The following HUWE1 variants were observed in gnomAD, a reference collection of about 807,000 sequenced individuals.
HUWE1 encodes HECT, UBA and WWE domain containing E3 ubiquitin protein ligase 1.
Under a neutral mutation model 299.4 loss-of-function variants are expected in HUWE1, and 18 were observed. The observed-to-expected ratio is 0.06, with a 90% CI of 0.04 to 0.09. The LOEUF (loss-of-function observed/expected upper bound fraction) is 0.09. Among genes scored for constraint, HUWE1 ranks in the 10% least tolerant of loss-of-function variants. The pLI is 1.00. For missense variants in HUWE1, 1,832 were observed against 3,462.3 expected (o/e 0.53, Z 11.82); for synonymous variants, 1,317 against 1,286.1 (o/e 1.02, Z -0.51).
At chrX:53,615,922 A>C in intron 21 of HUWE1, 87 bp from the exon 22 acceptor site, 1 of 658,959 alleles carries the variant, frequency 1.5e-6, no homozygotes, top group Middle Eastern at 3.1e-4. Context: ...ATAAAGTGGA[A>C]AGAAGAAACT....
intron 74 of HUWE1, among the ~76,000 whole-genome samples, chrX:53,541,005 ATATC>A (rs1169133806): frequency 2.7e-5 from 3 of 111,919 alleles, no homozygotes; most frequent in African/African-American, 9.7e-5. Flanking sequence ...CACGAAAATA[ATATC>A]TATCTCCCCA....
chrX:53,540,416 C>T (rs1319017562), intron 74 of HUWE1, among the ~76,000 whole-genome samples: 1 of 110,798 alleles, frequency 9.0e-6, no homozygotes, highest in African/African-American at 3.3e-5. Flanking sequence ...GCAACCTCCG[C>T]CTCCTGGGTT....
intron 60 of HUWE1, chrX:53,556,406 T>C: frequency 3.0e-6 from 1 of 335,736 alleles, no homozygotes; most frequent in Non-Finnish European, 5.9e-6. Flanking sequence ...GATCTTTTGC[T>C]AGATTAAGGG....
chrX:53,659,200 T>C lies in HUWE1; in HGVS notation c.-24-5069A>G, dbSNP rs151032338. On this transcript the variant is annotated intron_variant, in intron 3 of 83. Transcript: ENST00000262854. The stretch of plus-strand genomic sequence containing the variant: ...CCAGCAATCAATACTCCCTGGTATT[T>C]ACCCAAAGGAGTTGAAAACTTATGT... 9.1e-3 allele frequency among the ~76,000 whole-genome samples: 1,021 copies of C among 112,610 alleles called. 55 individuals carry two copies. Among genetic ancestry groups the C allele is most frequent in the Admixed American group, 0.086 (918 of 10,632 alleles).
intron 37 of HUWE1, among the ~76,000 whole-genome samples, chrX:53,587,738 C>T (rs1264079447): frequency 1.8e-5 from 2 of 111,152 alleles, no homozygotes; most frequent in Non-Finnish European, 3.8e-5. Flanking sequence ...TGGATTTATC[C>T]CCTGAGTTTG....
rs781991289 is a variant in HUWE1 at position 53,532,250 on chromosome X, G to C, written c.*1059C>G. ...GTGAACAGACTGGCAGACAGATGAC[G>C]AGAGAGGGAGTGACGACAACAAAAA... On this transcript the variant is annotated 3_prime_UTR_variant, in exon 84 of 84. Transcript: ENST00000262854. 1 of 112,069 alleles carries C rather than the reference G, an allele frequency of 8.9e-6. No individual in the cohort carries two copies. The highest frequency in any genetic ancestry group is 3.2e-5 in the African/African-American group (1 of 30,860). The allele number at this position is 112,069 out of a possible 1,213,427, so 9.2% of individuals were successfully genotyped here.
intron 43 of HUWE1, among the ~76,000 whole-genome samples, chrX:53,579,108 T>C (rs12387719): frequency 1.0e-4 from 5 of 48,479 alleles, no homozygotes; most frequent in African/African-American, 1.7e-4. Flanking sequence ...CCGCCCCGTC[T>C]GGGAGGTGAG....
In HUWE1 at chrX:53,625,278, A is replaced by G; in HGVS notation, c.1490-20T>C. The G allele has an allele frequency of 9.3e-7, 1 of 1,075,869 alleles. No homozygotes were observed. Among genetic ancestry groups the G allele is most frequent in the Non-Finnish European group, 1.3e-6 (1 of 771,189 alleles). The allele number at this position is 1,075,869 out of a possible 1,213,427, so 88.7% of individuals were successfully genotyped here. ...GGACTCCTGGCAATGAAGAAAGACA[A>G]AAGAATTATGCTGAGTTCGCCATTA... is the stretch of plus-strand genomic sequence containing the variant. On this transcript the variant is annotated intron_variant, in intron 17 of 83. Transcript: ENST00000262854.
chrX:53,641,135 A>C (rs1451583903), intron 7 of HUWE1, among the ~76,000 whole-genome samples: 1 of 111,743 alleles, frequency 8.9e-6, no homozygotes, highest in Non-Finnish European at 1.9e-5. Flanking sequence ...AAAAGTTCTA[A>C]ACACATTTTC....
chrX:53,675,478 G>T (rs2069771229), intron 3 of HUWE1, among the ~76,000 whole-genome samples: 1 of 111,459 alleles, frequency 9.0e-6, no homozygotes, highest in Admixed American at 9.5e-5. Context: ...TGCAGGGGAA[G>T]AAATGATGAC....
chrX:53,577,494 CCCT>C (rs1278401777), intron 43 of HUWE1, among the ~76,000 whole-genome samples: 61 of 67,181 alleles, frequency 9.1e-4, no homozygotes, highest in Admixed American at 1.6e-3. Context: ...TCCCTCCTCT[CCCT>C]CCTCTCCCTC....
rs781851305 is a variant in HUWE1, at chrX:53,646,047, G to T, written c.352-584C>A. Among the ~76,000 whole-genome samples the T allele has an allele frequency of 2.4e-4, 26 of 110,110 alleles. No individual in the cohort carries two copies. The South Asian group carries it at 0.01, about 43-fold the overall frequency. On this transcript the variant is annotated intron_variant, in intron 6 of 83. Coordinates refer to ENST00000262854, the MANE Select transcript of HUWE1 (RefSeq NM_031407.7). ...TAAAATTGAAATTAATTAAAACAGG[G>T]TCCTTCATATAGAAGCTAAAGATAT...
chrX:53,535,267 G>T (rs986954877), intron 81 of HUWE1, 117 bp downstream of exon 81: 20 of 558,902 alleles, frequency 3.6e-5, no homozygotes, highest in African/African-American at 3.6e-4. Context: ...TTTGTCTTTT[G>T]TGCAAGGCAT....
intron 66 of HUWE1, 61 bp downstream of exon 66, chrX:53,550,605 A>C: frequency 9.7e-7 from 1 of 1,027,814 alleles, no homozygotes. Flanking sequence ...CTATAAAACT[A>C]AGGGAGCTGG....
chrX:53,684,099 T>G, intron 2 of HUWE1: 1 of 258,663 alleles, frequency 3.9e-6, no homozygotes, highest in Non-Finnish European at 6.9e-6. Flanking sequence ...AAAGCCGAAG[T>G]AGCTACAGCT....
intron 27 of HUWE1, 35 bp downstream of exon 27, chrX:53,603,333 T>A (rs781889683): frequency 1.7e-6 from 2 of 1,194,842 alleles, no homozygotes; most frequent in Non-Finnish European, 2.3e-6. Context: ...CGAACTTAGA[T>A]AACAAAGTAA....
intron 14 of HUWE1, 22 bp from the exon 15 acceptor site, chrX:53,628,642 G>C (rs781972661): frequency 2.1e-5 from 25 of 1,188,894 alleles, no homozygotes; most frequent in Non-Finnish European, 2.8e-5. Context: ...GTGGGGAGAG[G>C]GAGAACAAAA....
Position 53,565,559 on chromosome X carries a change from G to T in HUWE1, c.6708-320C>A, listed in dbSNP as rs368705845. Among the ~76,000 whole-genome samples, 6 of 106,474 alleles carry T rather than the reference G, an allele frequency of 5.6e-5. No individual in the cohort carries two copies. The South Asian group carries it at 2.4e-3, about 43-fold the overall frequency. 92.5% of individuals were successfully genotyped at this position (106,474 alleles called of 115,157 possible). The stretch of plus-strand genomic sequence containing the variant: ...CAAGCCACTTCTCGGATGTACTCAG[G>T]ATTTTTTTTTTTAAACCACCAGCAT... On this transcript the variant is annotated intron_variant, in intron 49 of 83. Coordinates refer to ENST00000262854, the MANE Select transcript of HUWE1 (RefSeq NM_031407.7).
intron 35 of HUWE1, among the ~76,000 whole-genome samples, 162 bp downstream of exon 35, chrX:53,590,242 G>C (rs1345423946): frequency 2.7e-5 from 3 of 112,106 alleles, no homozygotes; most frequent in Non-Finnish European, 5.6e-5. Context: ...GTCAATACAA[G>C]GTAGCTCAAT....
Sources: gnomAD v4.1 joint callset for allele counts (sites outside exome capture counted in the v4.1 genomes callset) on GRCh38, gnomAD v4.1.1 for gene constraint, MANE v1.5 for transcripts, NCBI Gene and HGNC (gene_info 2026-07-23, HGNC 2026-07-21) for gene names.